PLPPR5: variants seen among roughly 807,000 people sequenced by gnomAD.
PLPPR5 encodes phospholipid phosphatase-related protein type 5.
In PLPPR5, 16 loss-of-function variants were observed where a neutral mutation model predicts 33.9. The ratio of observed to expected loss-of-function variants is 0.47; its 90% CI spans 0.32 to 0.72. The LOEUF (loss-of-function observed/expected upper bound fraction) is 0.72, where lower values mean the gene tolerates loss of function less well. Among genes scored for constraint, PLPPR5 ranks in the 30% least tolerant of loss-of-function variants. The pLI, the probability that PLPPR5 is intolerant of heterozygous loss-of-function variation, is 0.03. For missense variants in PLPPR5, 301 were observed against 406.7 expected (o/e 0.74, Z 2.23); for synonymous variants, 163 against 150.3 (o/e 1.08, Z -0.62).
At chr1:99,004,181 T>C in intron 1 of PLPPR5, 1 of 525,234 alleles carries the variant, frequency 1.9e-6, no homozygotes, top group East Asian at 3.2e-5. Context: ...CCTCTTCCCT[T>C]CCATCCCCGC....
chr1:98,962,492 T>C (rs1651283066), intron 1 of PLPPR5, among the ~76,000 whole-genome samples: 1 of 152,212 alleles, frequency 6.6e-6, no homozygotes, highest in African/African-American at 2.4e-5. Flanking sequence ...AAGACCACTT[T>C]TATCACTACC....
intron 5 of PLPPR5, among the ~76,000 whole-genome samples, chr1:98,909,448 TA>T (rs912718517): frequency 2.0e-5 from 3 of 151,802 alleles, no homozygotes; most frequent in Non-Finnish European, 2.9e-5. Flanking sequence ...AAGTCTTTTT[TA>T]AAAAAACTTT....
chr1:98,974,451 T>G (rs1651775754), intron 1 of PLPPR5, among the ~76,000 whole-genome samples: 1 of 152,092 alleles, frequency 6.6e-6, no homozygotes, highest in Non-Finnish European at 1.5e-5. Context: ...TTATATGACC[T>G]GGCAATGGGT....
rs191257114 is a variant in PLPPR5, at chr1:98,922,813, A to G, written c.622-755T>C. On this transcript the variant is annotated intron_variant, in intron 3 of 5. Coordinates refer to ENST00000263177, the MANE Select transcript of PLPPR5 (RefSeq NM_001037317.2). ...ATCCTGGCTAACATGGTGAAACCCC[A>G]TCTCTACTAAGAATACAAAAAATCA... Among the ~76,000 whole-genome samples the G allele has an allele frequency of 1.5e-3, 222 of 152,074 alleles. 2 individuals are homozygous for G. In the East Asian group the frequency reaches 0.037, roughly 25 times the overall value.
chr1:98,960,699 G>A (rs1197481793), intron 1 of PLPPR5, among the ~76,000 whole-genome samples: 3 of 152,170 alleles, frequency 2.0e-5, no homozygotes, highest in Non-Finnish European at 4.4e-5. Context: ...TTATTTGACT[G>A]GTTTGGACAA....
chr1:98,961,430 A>C (rs1651246153), intron 1 of PLPPR5, among the ~76,000 whole-genome samples: 1 of 152,184 alleles, frequency 6.6e-6, no homozygotes, highest in Non-Finnish European at 1.5e-5. Flanking sequence ...TTTGCCTTGA[A>C]GGCAGAGGCA....
intron 4 of PLPPR5, among the ~76,000 whole-genome samples, chr1:98,915,910 C>CAAGGTATTCTTGGTA (rs1649327196): frequency 1.3e-5 from 2 of 152,230 alleles, no homozygotes; most frequent in South Asian, 2.1e-4. Flanking sequence ...ACACAATAAA[C>CAAGGTATTCTTGGTA]AAGGTATTCT....
At chr1:98,968,565 G>A (rs1287929474) in intron 1 of PLPPR5, among the ~76,000 whole-genome samples, 1 of 151,906 alleles carries the variant, frequency 6.6e-6, no homozygotes, top group Non-Finnish European at 1.5e-5. Context: ...GATGTTAAGT[G>A]ATATTTTCTA....
intron 1 of PLPPR5, among the ~76,000 whole-genome samples, chr1:99,000,360 C>A (rs551241790): frequency 6.6e-6 from 1 of 152,110 alleles, no homozygotes; most frequent in African/African-American, 2.4e-5. Context: ...AAAAAATGTC[C>A]TAAACCACCA....
intron 1 of PLPPR5, among the ~76,000 whole-genome samples, chr1:98,974,749 T>C (rs1281393380): frequency 6.6e-6 from 1 of 152,110 alleles, no homozygotes; most frequent in Non-Finnish European, 1.5e-5. Flanking sequence ...CTGGCCTATA[T>C]TTGATAACAA....
At chr1:98,967,424 CA>C (rs1394652098) in intron 1 of PLPPR5, among the ~76,000 whole-genome samples, 2 of 152,022 alleles carry the variant, frequency 1.3e-5, no homozygotes, top group African/African-American at 4.8e-5. Context: ...TGTGCCAGTA[CA>C]GACACATGTA....
At chr1:98,919,361 C>A (rs1297289361) in intron 4 of PLPPR5, among the ~76,000 whole-genome samples, 3 of 152,100 alleles carry the variant, frequency 2.0e-5, no homozygotes, top group Non-Finnish European at 4.4e-5. Flanking sequence ...GGTCTGGGTT[C>A]CTTTAACTGA....
intron 5 of PLPPR5, among the ~76,000 whole-genome samples, chr1:98,896,952 A>G (rs540567539): frequency 6.6e-6 from 1 of 152,254 alleles, no homozygotes; most frequent in South Asian, 2.1e-4. Context: ...TAAGGGGAAA[A>G]GTATGAGAAA....
chr1:98,960,942 T>C (rs954443519), intron 1 of PLPPR5, among the ~76,000 whole-genome samples: 7 of 152,206 alleles, frequency 4.6e-5, no homozygotes, highest in Non-Finnish European at 7.3e-5. Flanking sequence ...TTCTGAAACA[T>C]GGGATACCTC....
At chr1:98,966,454 A>C (rs752357294) in intron 1 of PLPPR5, among the ~76,000 whole-genome samples, 7 of 152,218 alleles carry the variant, frequency 4.6e-5, no homozygotes, top group Non-Finnish European at 1.0e-4. Flanking sequence ...TGGCCAATTT[A>C]ATTTTCAAAG....
chr1:98,996,184 G>C (rs891914002), intron 1 of PLPPR5, among the ~76,000 whole-genome samples: 2 of 151,804 alleles, frequency 1.3e-5, no homozygotes, highest in Admixed American at 6.6e-5. Context: ...GGTTTTGTGG[G>C]GGTGAGGGAA....
At chr1:98,955,004 T>C (rs1000518609) in intron 2 of PLPPR5, among the ~76,000 whole-genome samples, 3 of 152,104 alleles carry the variant, frequency 2.0e-5, no homozygotes, top group African/African-American at 4.8e-5. Context: ...AGCCCAAGGC[T>C]AATACTGTAG....
chr1:98,941,555 AT>A (rs60843673), intron 3 of PLPPR5, among the ~76,000 whole-genome samples: 116,978 of 148,104 alleles, frequency 0.79, 46,562 homozygotes, highest in East Asian at 0.93. Flanking sequence ...TGGTTGTGGG[AT>A]TTTTTTTTTT....
chr1:98,989,205 T>C (rs1032288157), intron 1 of PLPPR5, among the ~76,000 whole-genome samples: 1 of 152,154 alleles, frequency 6.6e-6, no homozygotes, highest in African/African-American at 2.4e-5. Context: ...AATCATCATA[T>C]GCTCATTCTT....
Sources: gnomAD v4.1 joint callset for allele counts (sites outside exome capture counted in the v4.1 genomes callset) on GRCh38, gnomAD v4.1.1 for gene constraint, MANE v1.5 for transcripts, NCBI Gene and HGNC (gene_info 2026-07-23, HGNC 2026-07-21) for gene names.